The following GXYLT2 variants were observed in gnomAD, a reference collection of about 807,000 sequenced individuals.
GXYLT2 encodes the protein glucoside xylosyltransferase 2, also known as glycosyltransferase 8 domain containing 4.
GXYLT2 carries 53 observed loss-of-function variants against 45.8 expected under a neutral mutation model. The observed-to-expected ratio is 1.16, with a 90% CI of 0.93 to 1.46. The LOEUF is 1.46. Ranked by LOEUF, GXYLT2 falls within the 40% of genes most tolerant of loss-of-function variation. The pLI is 0.00. For synonymous variants in GXYLT2, 219 were observed against 214.2 expected (o/e 1.02, Z -0.19); for missense variants, 551 against 544.4 (o/e 1.01, Z -0.12).
In GXYLT2 at chr3:72,888,139, G is replaced by A; in HGVS notation, c.-95G>A. 1 of 880,896 alleles carries A rather than the reference G, an allele frequency of 1.1e-6. No homozygotes were observed. The highest frequency in any genetic ancestry group is 1.2e-4 in the East Asian group (1 of 8,156). 54.6% of individuals were successfully genotyped at this position (880,896 alleles called of 1,614,324 possible). On this transcript the variant is annotated 5_prime_UTR_variant, in exon 1 of 7. Transcript: ENST00000389617. ...AGTCCCCGGCGGGCGGGCGGAGGAG[G>A]CGACCGCCGCGCGCTGCTGCACTCA...
intron 1 of GXYLT2, among the ~76,000 whole-genome samples, chr3:72,892,345 C>CT (rs1296382977): frequency 1.2e-4 from 19 of 152,158 alleles, no homozygotes; most frequent in Non-Finnish European, 2.5e-4. Context: ...GAACTTTATT[C>CT]TTTTTTTCTG....
intron 3 of GXYLT2, among the ~76,000 whole-genome samples, chr3:72,944,462 C>T (rs1221132947): frequency 6.6e-6 from 1 of 151,938 alleles, no homozygotes; most frequent in Non-Finnish European, 1.5e-5. Context: ...ACCATCTTGG[C>T]CAGGCTGGTC....
At chr3:72,898,130 T>G (rs1709329830) in intron 1 of GXYLT2, among the ~76,000 whole-genome samples, 1 of 152,220 alleles carries the variant, frequency 6.6e-6, no homozygotes, top group African/African-American at 2.4e-5. Flanking sequence ...CTATGATATA[T>G]GCACTACTTG....
chr3:72,890,269 AG>A (rs1320786966), intron 1 of GXYLT2, among the ~76,000 whole-genome samples: 2 of 152,238 alleles, frequency 1.3e-5, no homozygotes, highest in Non-Finnish European at 2.9e-5. Flanking sequence ...CCAGTGGCAC[AG>A]GCATCATCTG....
rs544323807 is a variant in GXYLT2 at position 72,907,562 on chromosome 3, G to A, written c.276-805G>A. 1.5e-3 allele frequency among the ~76,000 whole-genome samples: 233 copies of A among 152,202 alleles called. 1 individual carries two copies. The highest frequency in any genetic ancestry group is 5.3e-3 in the African/African-American group (222 of 41,518). On this transcript the variant is annotated intron_variant, in intron 1 of 6. Coordinates refer to ENST00000389617, the MANE Select transcript of GXYLT2 (RefSeq NM_001080393.2). ...GTTTGAGGCTTGGCTGCATCCCTTCGTCTGGAACAAATCTTTTATTACTAG... is the reference window on the plus strand; with the variant it reads ...GTTTGAGGCTTGGCTGCATCCCTTCATCTGGAACAAATCTTTTATTACTAG...
chr3:72,923,714 T>C lies in GXYLT2; in HGVS notation c.600+1379T>C, dbSNP rs1575791962. ...AAATAATTAGAAGTATGACCAGTAC[T>C]AAGAGGAGATAATCTCATGGATGTA... On this transcript the variant is annotated intron_variant, in intron 3 of 6. Coordinates refer to ENST00000389617, the MANE Select transcript of GXYLT2 (RefSeq NM_001080393.2). Among the ~76,000 whole-genome samples, 3 of 152,164 alleles carry C rather than the reference T, an allele frequency of 2.0e-5. No individual in the cohort carries two copies. The South Asian group carries it at 6.2e-4, about 32-fold the overall frequency.
At chr3:72,892,737 C>T (rs751084034) in intron 1 of GXYLT2, among the ~76,000 whole-genome samples, 1 of 152,190 alleles carries the variant, frequency 6.6e-6, no homozygotes, top group Non-Finnish European at 1.5e-5. Context: ...CAAAATGCTT[C>T]ATCTATGGCC....
intron 1 of GXYLT2, among the ~76,000 whole-genome samples, chr3:72,906,633 A>G (rs1709515122): frequency 1.3e-5 from 2 of 152,326 alleles, no homozygotes; most frequent in South Asian, 4.1e-4. Flanking sequence ...TAATGCCTAC[A>G]CATAACAGTA....
At chr3:72,960,009 G>A (rs377180448) in intron 5 of GXYLT2, among the ~76,000 whole-genome samples, 12 of 151,988 alleles carry the variant, frequency 7.9e-5, no homozygotes, top group East Asian at 7.8e-4. Flanking sequence ...GTGGTGGCAC[G>A]ATCTCGGCTC....
intron 3 of GXYLT2, among the ~76,000 whole-genome samples, chr3:72,936,017 C>T (rs186467559): frequency 1.1e-3 from 162 of 152,272 alleles, no homozygotes; most frequent in African/African-American, 3.8e-3. Context: ...GCCCGCCGGG[C>T]GCGGTGGCTC....
intron 3 of GXYLT2, among the ~76,000 whole-genome samples, chr3:72,951,796 T>TTTTTG (rs896620692): frequency 1.3e-5 from 2 of 152,234 alleles, no homozygotes; most frequent in East Asian, 1.9e-4. Flanking sequence ...AAATTCTGTT[T>TTTTTG]TTTTGTTTTG....
chr3:72,891,903 T>C (rs939396344), intron 1 of GXYLT2, among the ~76,000 whole-genome samples: 1 of 145,816 alleles, frequency 6.9e-6, no homozygotes, highest in African/African-American at 2.6e-5. Flanking sequence ...TCAAGAGAGA[T>C]TTTTTTTTTT....
intron 3 of GXYLT2, among the ~76,000 whole-genome samples, chr3:72,934,888 A>G (rs1425815421): frequency 1.3e-5 from 2 of 152,222 alleles, no homozygotes; most frequent in South Asian, 2.1e-4. Context: ...AAGCATATCT[A>G]TGGAGATTTA....
Position 72,897,103 on chromosome 3 carries a change from C to T in GXYLT2, c.275+8595C>T, listed in dbSNP as rs140867276. On this transcript the variant is annotated intron_variant, in intron 1 of 6. Transcript: ENST00000389617. ...TTAAGCACTTCACTGCATTATTTCACTTAATCTTCATAATAACCTAGGAGG... is the reference window on the plus strand; with the variant it reads ...TTAAGCACTTCACTGCATTATTTCATTTAATCTTCATAATAACCTAGGAGG... 6.5e-3 allele frequency among the ~76,000 whole-genome samples: 989 copies of T among 152,306 alleles called. 13 individuals are homozygous for T. Among genetic ancestry groups the T allele is most frequent in the African/African-American group, 0.023 (944 of 41,566 alleles).
intron 3 of GXYLT2, among the ~76,000 whole-genome samples, chr3:72,947,827 GAA>G (rs1361473205): frequency 6.6e-6 from 1 of 152,064 alleles, no homozygotes; most frequent in Non-Finnish European, 1.5e-5. Context: ...GAAATGCAGT[GAA>G]AGGCCTTGGA....
intron 5 of GXYLT2, among the ~76,000 whole-genome samples, chr3:72,965,451 T>C (rs1354661741): frequency 6.6e-6 from 1 of 152,150 alleles, no homozygotes; most frequent in Non-Finnish European, 1.5e-5. Context: ...TCTCTTGTGC[T>C]CTCTCACAGG....
At chr3:72,922,555 G>A (rs1307996707) in intron 3 of GXYLT2, among the ~76,000 whole-genome samples, 3 of 152,106 alleles carry the variant, frequency 2.0e-5, no homozygotes, top group African/African-American at 7.2e-5. Context: ...ATCCTGTCTT[G>A]GATCATTGGT....
Position 72,913,060 on chromosome 3 carries a change from C to T in GXYLT2, c.468+4501C>T, listed in dbSNP as rs550484473. 2.1e-4 allele frequency among the ~76,000 whole-genome samples: 31 copies of T among 145,210 alleles called. No individual in the cohort carries two copies. In the South Asian group the frequency reaches 2.2e-3, roughly 10 times the overall value. On this transcript the variant is annotated intron_variant, in intron 2 of 6. Coordinates refer to ENST00000389617, the MANE Select transcript of GXYLT2 (RefSeq NM_001080393.2). Reference sequence around the variant, plus strand: ...GTTTTTTTTTTTGTTTTTTTTGAGACGGAGTCTTGCTCTGTGGCCCAGGTG... The same window carrying T: ...GTTTTTTTTTTTGTTTTTTTTGAGATGGAGTCTTGCTCTGTGGCCCAGGTG...
At chr3:72,892,285 T>C (rs1709197740) in intron 1 of GXYLT2, among the ~76,000 whole-genome samples, 2 of 152,224 alleles carry the variant, frequency 1.3e-5, no homozygotes, top group South Asian at 4.1e-4. Flanking sequence ...TTCTCATTTA[T>C]GGGCTCCATC....
Sources: allele counts gnomAD v4.1 joint callset (sites outside exome capture counted in the v4.1 genomes callset), GRCh38; gene constraint gnomAD v4.1.1; transcripts MANE v1.5; gene names NCBI Gene and HGNC (gene_info 2026-07-23, HGNC 2026-07-21).